SNTG1: variants seen among roughly 807,000 people sequenced by gnomAD.
SNTG1 encodes the protein gamma-1-syntrophin.
In SNTG1, 39 loss-of-function variants were observed where a neutral mutation model predicts 74.7. That is an observed-to-expected ratio of 0.52 (90% CI 0.40 to 0.68). The LOEUF (loss-of-function observed/expected upper bound fraction) is 0.68, where lower values mean the gene tolerates loss of function less well. SNTG1 is among the 30% of genes least tolerant of loss of function. The pLI is 0.00. For synonymous variants in SNTG1, 254 were observed against 217.1 expected (o/e 1.17, Z -1.49); for missense variants, 685 against 609.5 (o/e 1.12, Z -1.30).
chr8:49,931,242 C>T (rs988075477), intron 1 of SNTG1, among the ~76,000 whole-genome samples: 1 of 152,158 alleles, frequency 6.6e-6, no homozygotes, highest in African/African-American at 2.4e-5. Context: ...TACAATGTGG[C>T]CGACCAACAG....
At chr8:50,372,697 G>A (rs1049823763) in intron 2 of SNTG1, among the ~76,000 whole-genome samples, 3 of 151,856 alleles carry the variant, frequency 2.0e-5, no homozygotes, top group African/African-American at 7.3e-5. Context: ...TAACAGGATG[G>A]GATGACAAAT....
intron 1 of SNTG1, among the ~76,000 whole-genome samples, chr8:50,110,168 C>A (rs891947779): frequency 1.3e-5 from 2 of 152,158 alleles, no homozygotes; most frequent in African/African-American, 4.8e-5. Flanking sequence ...TATCATCATG[C>A]ATCTAGTGAC....
rs377000686 is a variant in SNTG1, at chr8:49,989,283, C to A, written c.-103+77052C>A. Reference sequence around the variant, plus strand: ...AAGAAAGATCTTAATAATGACCTTACAAAATTAAAGAGAATGATAAATTAG... The same window carrying A: ...AAGAAAGATCTTAATAATGACCTTAAAAAATTAAAGAGAATGATAAATTAG... On this transcript the variant is annotated intron_variant, in intron 1 of 18. Transcript: ENST00000642720. Among the ~76,000 whole-genome samples, 4 of 151,620 alleles carry A rather than the reference C, an allele frequency of 2.6e-5. No individual in the cohort carries two copies. The East Asian group carries it at 7.7e-4, about 29-fold the overall frequency.
chr8:50,372,954 T>G (rs578166138), intron 2 of SNTG1, among the ~76,000 whole-genome samples: 25 of 152,350 alleles, frequency 1.6e-4, no homozygotes, highest in African/African-American at 5.3e-4. Context: ...ATCTGTGTTA[T>G]ACTGAAAAAT....
chr8:50,744,093 C>A (rs1302411830), intron 17 of SNTG1, among the ~76,000 whole-genome samples: 1 of 150,236 alleles, frequency 6.7e-6, no homozygotes, highest in Non-Finnish European at 1.5e-5. Flanking sequence ...CAGATATCTG[C>A]CCCCGTGATC....
chr8:50,692,978 G>T (rs2095388542), intron 15 of SNTG1, among the ~76,000 whole-genome samples: 1 of 152,176 alleles, frequency 6.6e-6, no homozygotes, highest in South Asian at 2.1e-4. Context: ...AAGCCTTGCT[G>T]CCACCTTGCA....
intron 4 of SNTG1, among the ~76,000 whole-genome samples, chr8:50,405,623 T>C (rs879066839): frequency 1.3e-5 from 2 of 152,132 alleles, no homozygotes; most frequent in African/African-American, 4.8e-5. Context: ...TTAGTATTTT[T>C]GATGCACAAA....
intron 1 of SNTG1, among the ~76,000 whole-genome samples, chr8:49,939,703 AG>A (rs1808507006): frequency 1.3e-5 from 2 of 152,192 alleles, no homozygotes; most frequent in African/African-American, 2.4e-5. Flanking sequence ...TTAGTCATTA[AG>A]CCTTTTAAAA....
chr8:50,259,467 C>T lies in SNTG1; in HGVS notation c.-28+86832C>T, dbSNP rs75635107. ...GGAGCCAATGTCACACCACGGCATT[C>T]CAGCCTGGGCGACAGAGAGAGACGC... is the stretch of plus-strand genomic sequence containing the variant. On this transcript the variant is annotated intron_variant, in intron 2 of 18. Coordinates refer to ENST00000642720, the MANE Select transcript of SNTG1 (RefSeq NM_018967.5). Among the ~76,000 whole-genome samples the T allele has an allele frequency of 6.4e-5, 9 of 139,576 alleles. No individual in the cohort carries two copies. The East Asian group carries it at 1.9e-3, about 30-fold the overall frequency. The allele number at this position is 139,576 out of a possible 152,430, so 91.6% of individuals were successfully genotyped here. A position where few individuals can be genotyped will look rare whatever the true frequency, so the allele number is the denominator to read the frequency against.
At chr8:50,716,536 C>T (rs997528004) in intron 17 of SNTG1, among the ~76,000 whole-genome samples, 24 of 151,910 alleles carry the variant, frequency 1.6e-4, no homozygotes, top group African/African-American at 4.4e-4. Context: ...GTATTTATTG[C>T]AAAACGAACT....
At chr8:50,055,959 T>C (rs1341295929) in intron 1 of SNTG1, among the ~76,000 whole-genome samples, 2 of 152,138 alleles carry the variant, frequency 1.3e-5, no homozygotes, top group African/African-American at 4.8e-5. Context: ...GCCAGGTAAT[T>C]CTATTTGACC....
At chr8:50,696,498 T>G (rs1366692779) in intron 15 of SNTG1, among the ~76,000 whole-genome samples, 1 of 152,120 alleles carries the variant, frequency 6.6e-6, no homozygotes, top group Non-Finnish European at 1.5e-5. Context: ...CTTTGAGGAC[T>G]TGGTCATAAA....
At chr8:50,449,367 A>AG (rs2093434576) in intron 5 of SNTG1, among the ~76,000 whole-genome samples, 1 of 152,202 alleles carries the variant, frequency 6.6e-6, no homozygotes, top group Non-Finnish European at 1.5e-5. Flanking sequence ...CCTAAATAAG[A>AG]ATTTCTATTG....
At chr8:50,139,977 A>C (rs1025276616) in intron 1 of SNTG1, among the ~76,000 whole-genome samples, 1 of 152,240 alleles carries the variant, frequency 6.6e-6, no homozygotes, top group African/African-American at 2.4e-5. Flanking sequence ...ACATGTCACT[A>C]GCGAGCTTTG....
intron 1 of SNTG1, among the ~76,000 whole-genome samples, chr8:49,956,643 A>T (rs1810201515): frequency 6.6e-6 from 1 of 152,126 alleles, no homozygotes; most frequent in Non-Finnish European, 1.5e-5. Context: ...TTCTACCTGG[A>T]TTATATTCTC....
chr8:50,720,218 A>T (rs1162650740), intron 17 of SNTG1, among the ~76,000 whole-genome samples: 1 of 152,192 alleles, frequency 6.6e-6, no homozygotes, highest in African/African-American at 2.4e-5. Flanking sequence ...CTATCTAAAT[A>T]AATCCAGATT....
At chr8:50,262,940 G>A (rs1046478939) in intron 2 of SNTG1, among the ~76,000 whole-genome samples, 1 of 152,176 alleles carries the variant, frequency 6.6e-6, no homozygotes, top group Non-Finnish European at 1.5e-5. Flanking sequence ...AGAGGAAAGA[G>A]AGAGATGCAT....
Position 50,124,528 on chromosome 8 carries a change from C to T in SNTG1, c.-102-48033C>T, listed in dbSNP as rs376736438. ...TAAATGTTATCTTTCAAAAGATTAA[C>T]GTTGCATATTAATAAAGCTGACCTC... On this transcript the variant is annotated intron_variant, in intron 1 of 18. Transcript: ENST00000642720. Among the ~76,000 whole-genome samples, 18 of 142,460 alleles carry T rather than the reference C, an allele frequency of 1.3e-4. 1 individual carries two copies. The highest frequency in any genetic ancestry group is 4.3e-4 in the African/African-American group (17 of 39,376). 93.5% of individuals were successfully genotyped at this position (142,460 alleles called of 152,430 possible). A position where few individuals can be genotyped will look rare whatever the true frequency, so the allele number is the denominator to read the frequency against.
intron 1 of SNTG1, among the ~76,000 whole-genome samples, chr8:50,159,429 A>C (rs760514527): frequency 1.3e-5 from 2 of 152,144 alleles, no homozygotes; most frequent in Non-Finnish European, 2.9e-5. Context: ...TAGGCTTCTA[A>C]GCAAGTTACT....
Sources: gnomAD v4.1 joint callset for allele counts (sites outside exome capture counted in the v4.1 genomes callset) on GRCh38, gnomAD v4.1.1 for gene constraint, MANE v1.5 for transcripts, NCBI Gene and HGNC (gene_info 2026-07-23, HGNC 2026-07-21) for gene names.